HCCS: variants seen among roughly 807,000 people sequenced by gnomAD.
HCCS encodes the protein holocytochrome c synthase.
In HCCS, 2 loss-of-function variants were observed where a neutral mutation model predicts 24.2. That is an observed-to-expected ratio of 0.08 (90% CI 0.03 to 0.26). The LOEUF (loss-of-function observed/expected upper bound fraction) is 0.26, where lower values mean the gene tolerates loss of function less well. HCCS is among the 10% of genes least tolerant of loss of function. The pLI, the probability that HCCS is intolerant of heterozygous loss-of-function variation, is 1.00. For synonymous variants in HCCS, 73 were observed against 76.2 expected, an observed-to-expected ratio of 0.96 and a Z score of 0.22; for missense variants, 150 against 213.3, an observed-to-expected ratio of 0.70 and a Z score of 1.85.
intron 3 of HCCS, 50 bp downstream of exon 3, chrX:11,115,036 T>C: frequency 9.4e-7 from 1 of 1,069,173 alleles, no homozygotes. Flanking sequence ...CAGGGTTGCT[T>C]ATACAGACTC....
At chrX:11,111,926 T>A (rs1859618233) in intron 1 of HCCS, 93 bp from the exon 2 acceptor site, 1 of 530,478 alleles carries the variant, frequency 1.9e-6, no homozygotes, top group African/African-American at 2.3e-5. Flanking sequence ...GCCCATGGGA[T>A]GACAAAGAGG....
intron 5 of HCCS, chrX:11,120,078 T>C (rs753481620): frequency 1.2e-4 from 37 of 313,484 alleles, no homozygotes; most frequent in Middle Eastern, 9.1e-4. Flanking sequence ...TCATAAGTCC[T>C]CAAATAGAAG....
At chrX:11,115,245 C>T (rs954034673) in intron 3 of HCCS, among the ~76,000 whole-genome samples, 4 of 112,138 alleles carry the variant, frequency 3.6e-5, no homozygotes, top group African/African-American at 1.3e-4. Flanking sequence ...ATATTTTCTT[C>T]TGGGACAGTT....
intron 6 of HCCS, 88 bp from the exon 7 acceptor site, chrX:11,121,524 C>A: frequency 1.3e-6 from 1 of 747,075 alleles, no homozygotes; most frequent in Non-Finnish European, 2.1e-6. Flanking sequence ...CAGGTGTTTG[C>A]ATGTGCTTCT....
chrX:11,121,100 A>G, intron 6 of HCCS, 107 bp downstream of exon 6: 1 of 620,995 alleles, frequency 1.6e-6, no homozygotes, highest in Non-Finnish European at 2.8e-6. Flanking sequence ...GCAAAACTTA[A>G]TGCATATTCA....
chrX:11,117,338 C>T lies in HCCS; in HGVS notation c.324C>T (p.Ser108=). 1 of 1,207,055 alleles carries T rather than the reference C, an allele frequency of 8.3e-7. No homozygotes were observed. The highest frequency in any genetic ancestry group is 1.8e-5 in the South Asian group (1 of 56,876). ...FALSTVREES[S]IPRADSEKKW... ...TGTCTACTGTCAGAGAAGAGTCATC[C>T]ATTCCGAGAGCAGATTCAGAGAAAA... Residue 108 remains serine, a synonymous_variant, in exon 4 of 7, where the codon TCC becomes TCT. Transcript: ENST00000380762.
Position 11,114,891 on chromosome X carries a change from G to T in HCCS, c.157G>T (p.Val53Leu). ...GPTCEKKTYS[V>L]PAHQERAYEY... ...AACCTGTGAGAAGAAAACATACTCT[G>T]TGCCTGCCCACCAGGAACGCGCCTA... Residue 53 changes from valine to leucine, a missense_variant, in exon 3 of 7, where the codon GTG (valine) becomes TTG (leucine). Val to Leu is a conservative substitution (Grantham distance 32). This residue lies in a region of HCCS where 95 missense variants were observed against 79.1 expected (regional missense o/e 1.20). Transcript: ENST00000380762. The T allele has an allele frequency of 8.3e-7, 1 of 1,206,634 alleles. No individual in the cohort carries two copies. Among genetic ancestry groups the T allele is most frequent in the African/African-American group, 1.7e-5 (1 of 57,688 alleles).
intron 2 of HCCS, among the ~76,000 whole-genome samples, 153 bp downstream of exon 2, chrX:11,112,313 T>G (rs890439271): frequency 9.0e-6 from 1 of 111,658 alleles, no homozygotes; most frequent in Non-Finnish European, 1.9e-5. Flanking sequence ...GGCAAAAACC[T>G]CCCTCTACAA....
intron 5 of HCCS, among the ~76,000 whole-genome samples, chrX:11,119,691 G>A (rs1452997917): frequency 4.5e-5 from 5 of 112,203 alleles, no homozygotes; most frequent in African/African-American, 1.6e-4. Context: ...TCACAGGCTG[G>A]GCCTCAGGCC....
intron 5 of HCCS, among the ~76,000 whole-genome samples, 195 bp from the exon 6 acceptor site, chrX:11,120,712 A>G (rs1269197784): frequency 9.0e-6 from 1 of 111,610 alleles, no homozygotes; most frequent in Non-Finnish European, 1.9e-5. Context: ...GCACCAGTCC[A>G]GAAGGAAAGA....
At chrX:11,114,118 G>A (rs965319011) in intron 2 of HCCS, among the ~76,000 whole-genome samples, 2 of 112,608 alleles carry the variant, frequency 1.8e-5, no homozygotes, top group Non-Finnish European at 3.8e-5. Flanking sequence ...ATCTCATTAG[G>A]CTCAGACCTT....
At chrX:11,116,872 C>G (rs751666317) in intron 3 of HCCS, among the ~76,000 whole-genome samples, 45 of 112,556 alleles carry the variant, frequency 4.0e-4, no homozygotes, top group Non-Finnish European at 6.8e-4. Context: ...AAAAGCATTG[C>G]TGTACATGTG....
rs1487680871 is a variant in HCCS, at chrX:11,114,921, T to G, written c.187T>G (p.Tyr63Asp). 1 of 1,205,271 alleles carries G rather than the reference T, an allele frequency of 8.3e-7. No homozygotes were observed. Among genetic ancestry groups the G allele is most frequent in the Non-Finnish European group, 1.1e-6 (1 of 889,700 alleles). Residue 63 changes from tyrosine (Y) to aspartate (D), a missense_variant, in exon 3 of 7, where the codon TAC becomes GAC. Physicochemically the swap from Tyr to Asp is radical, Grantham distance 160. Around this residue, in one of 2 missense-constraint regions of HCCS, gnomAD observed 95 missense variants for 79.1 expected, o/e 1.20. Transcript: ENST00000380762. Reference sequence around the variant, plus strand: ...TGCCCACCAGGAACGCGCCTATGAGTACGTGGAGTGTCCCATTAGGGGCAC... The same window carrying G: ...TGCCCACCAGGAACGCGCCTATGAGGACGTGGAGTGTCCCATTAGGGGCAC... ...VPAHQERAYE[Y>D]VECPIRGTAA...
chrX:11,111,694 C>T (rs1482943373), intron 1 of HCCS, among the ~76,000 whole-genome samples, 176 bp downstream of exon 1: 1 of 111,920 alleles, frequency 8.9e-6, no homozygotes, highest in African/African-American at 3.3e-5. Context: ...CCCTCCTCCA[C>T]CCGGGTCACC....
chrX:11,119,134 CCT>C (rs1265876810), intron 5 of HCCS, among the ~76,000 whole-genome samples: 2 of 111,850 alleles, frequency 1.8e-5, no homozygotes, highest in Non-Finnish European at 3.8e-5. Context: ...AGAGACCCTG[CCT>C]CTCAGCAGAA....
chrX:11,114,899 C>G lies in HCCS; in HGVS notation c.165C>G (p.Ala55=). 1 of 1,204,830 alleles carries G rather than the reference C, an allele frequency of 8.3e-7. No individual in the cohort carries two copies. The highest frequency in any genetic ancestry group is 1.1e-6 in the Non-Finnish European group (1 of 889,179). Residue 55 remains alanine (A), a synonymous_variant, in exon 3 of 7, where the codon GCC becomes GCG. Transcript: ENST00000380762. Reference sequence around the variant, plus strand: ...AGAAGAAAACATACTCTGTGCCTGCCCACCAGGAACGCGCCTATGAGTACG... The same window carrying G: ...AGAAGAAAACATACTCTGTGCCTGCGCACCAGGAACGCGCCTATGAGTACG... ...TCEKKTYSVP[A]HQERAYEYVE...
At position 11,117,405 on chromosome X, in the gene HCCS, T is replaced by C; in HGVS notation, c.391T>C (p.Leu131=). The C allele has an allele frequency of 8.3e-7, 1 of 1,206,687 alleles. No individual in the cohort carries two copies. Among genetic ancestry groups the C allele is most frequent in the Non-Finnish European group, 1.1e-6 (1 of 890,924 alleles). Residue 131 remains leucine (L), a synonymous_variant, in exon 4 of 7, where the codon TTA becomes CTA. Coordinates refer to ENST00000380762, the MANE Select transcript of HCCS (RefSeq NM_005333.5). ...PSEQMFWNAM[L]KKGWKWKDED... ...TGAGCAGATGTTCTGGAATGCAATG[T>C]TAAAGAAAGGGTGAGTGAACATATT...
At chrX:11,113,122 G>A (rs1429363581) in intron 2 of HCCS, among the ~76,000 whole-genome samples, 2 of 112,624 alleles carry the variant, frequency 1.8e-5, no homozygotes, top group Non-Finnish European at 3.7e-5. Context: ...ATTCATTCAT[G>A]TCTACTTTAG....
chrX:11,111,362 G>GGCGGCA lies in HCCS; in HGVS notation c.-194_-193insAGCGGC. Reference sequence around the variant, plus strand: ...GGTGACCGAGTGAGAGGAAGGCGGCGGCGGCGGCGGCGGCGGCGTGAAGTC... The same window carrying GGCGGCA: ...GGTGACCGAGTGAGAGGAAGGCGGCGGCGGCAGCGGCGGCGGCGGCGGCGTGAAGTC... On this transcript the variant is annotated 5_prime_UTR_variant, in exon 1 of 7. Coordinates refer to ENST00000380762, the MANE Select transcript of HCCS (RefSeq NM_005333.5). 1 of 173,154 alleles carries GGCGGCA rather than the reference G, an allele frequency of 5.8e-6. No individual in the cohort carries two copies. The highest frequency in any genetic ancestry group is 7.0e-5 in the Admixed American group (1 of 14,353). 14.3% of individuals were successfully genotyped at this position (173,154 alleles called of 1,213,427 possible).
Sources: gnomAD v4.1 joint callset for allele counts (sites outside exome capture counted in the v4.1 genomes callset) on GRCh38, gnomAD v4.1.1 for gene constraint, gnomAD v4.1.1 regional missense constraint, MANE v1.5 for transcripts, NCBI Gene and HGNC (gene_info 2026-07-23, HGNC 2026-07-21) for gene names.